SMC4: variants seen among roughly 807,000 people sequenced by gnomAD.
The protein encoded by SMC4 is structural maintenance of chromosomes protein 4.
SMC4 carries 87 observed loss-of-function variants against 145.6 expected under a neutral mutation model. The observed-to-expected ratio is 0.60, with a 90% CI of 0.50 to 0.71. The LOEUF (loss-of-function observed/expected upper bound fraction) is 0.71, where lower values mean the gene tolerates loss of function less well. Among genes scored for constraint, SMC4 ranks in the 30% least tolerant of loss-of-function variants. The pLI is 0.00. For synonymous variants in SMC4, 558 were observed against 500.7 expected (o/e 1.11, Z -1.53); for missense variants, 1,447 against 1,537.1 (o/e 0.94, Z 0.98).
chr3:160,412,525 C>T, intron 7 of SMC4, 72 bp downstream of exon 7: 4 of 1,468,186 alleles, frequency 2.7e-6, no homozygotes, highest in African/African-American at 2.9e-5. Context: ...CTTCTCTTTT[C>T]CTAGAGAAAC....
chr3:160,430,432 T>C (rs1432977646), intron 18 of SMC4, among the ~76,000 whole-genome samples, 167 bp from the exon 19 acceptor site: 1 of 152,200 alleles, frequency 6.6e-6, no homozygotes, highest in Non-Finnish European at 1.5e-5. Context: ...AGTGTTTGTA[T>C]AAACCTACAA....
At chr3:160,404,832 A>G (rs1282843363) in intron 5 of SMC4, 2 of 509,946 alleles carry the variant, frequency 3.9e-6, no homozygotes, top group Non-Finnish European at 8.0e-6. Context: ...TGACAGGGAT[A>G]CAGCAACTAT....
At chr3:160,421,362 T>G (rs1334497923) in intron 13 of SMC4, among the ~76,000 whole-genome samples, 1 of 152,206 alleles carries the variant, frequency 6.6e-6, no homozygotes, top group Non-Finnish European at 1.5e-5. Context: ...TATAAAAAAT[T>G]GTTTGACATT....
rs772336027 is a variant in SMC4, at chr3:160,419,558, T to TG, written c.1857+21dup. The TG allele has an allele frequency of 2.5e-6, 4 of 1,571,636 alleles. No homozygotes were observed. Among genetic ancestry groups the TG allele is most frequent in the East Asian group, 4.5e-5 (2 of 44,298 alleles). ...ATGGAAGATTGGTAAAGTAGATTTT[T>TG]GGGGGGCATGGCTTTACTTTTTTTT... On this transcript the variant is annotated intron_variant, in intron 12 of 23. Coordinates refer to ENST00000357388, the MANE Select transcript of SMC4 (RefSeq NM_001002800.3).
chr3:160,432,413 CAAAT>C lies in SMC4; in HGVS notation c.3433_3436del (p.Lys1145Ter). ...TTTATGGCAGGTTTTTATATAATAA[CAAAT>C]AAATTAAAGGAAAATTACCAAATGC... On this transcript the variant is annotated frameshift_variant, in exon 22 of 24. Coordinates refer to ENST00000357388, the MANE Select transcript of SMC4 (RefSeq NM_001002800.3). LOFTEE classifies it high-confidence loss of function. 1 of 1,612,418 alleles carries C rather than the reference CAAAT, an allele frequency of 6.2e-7. No homozygotes were observed.
chr3:160,414,366 G>A lies in SMC4; in HGVS notation c.1122-1G>A. 1.3e-6 allele frequency: 2 copies of A among 1,590,552 alleles called. No homozygotes were observed. Among genetic ancestry groups the A allele is most frequent in the Non-Finnish European group, 1.7e-6 (2 of 1,161,008 alleles). On this transcript the variant is annotated splice_acceptor_variant, in intron 8 of 23. Transcript: ENST00000357388. LOFTEE classifies it high-confidence loss of function. Reference sequence around the variant, plus strand: ...GACTTACAATATACTTGCTTTGCTAGGAAACTGAATAAAATTACAAAATTT... The same window carrying A: ...GACTTACAATATACTTGCTTTGCTAAGAAACTGAATAAAATTACAAAATTT...
chr3:160,416,968 A>G (rs187043241), intron 10 of SMC4, among the ~76,000 whole-genome samples: 94 of 152,280 alleles, frequency 6.2e-4, no homozygotes, highest in African/African-American at 2.1e-3. Context: ...TGAGAAAGAA[A>G]ATAAATGTTA....
intron 5 of SMC4, among the ~76,000 whole-genome samples, chr3:160,406,918 T>C (rs1049847497): frequency 6.6e-6 from 1 of 152,180 alleles, no homozygotes. Context: ...CTTCAAAAAG[T>C]TTGTTGTGAT....
intron 5 of SMC4, 57 bp from the exon 6 acceptor site, chr3:160,411,859 CACTT>C: frequency 7.0e-7 from 1 of 1,428,228 alleles, no homozygotes; most frequent in Non-Finnish European, 9.6e-7. Context: ...TCCCAATTCT[CACTT>C]AAGATTGATT....
intron 5 of SMC4, among the ~76,000 whole-genome samples, chr3:160,407,071 G>T (rs143760717): frequency 3.3e-4 from 50 of 152,072 alleles, no homozygotes; most frequent in African/African-American, 1.2e-3. Context: ...ATAAATTAGG[G>T]GTGCTTTTGC....
Position 160,430,749 on chromosome 3 carries a change from A to T in SMC4, c.2940+6A>T, listed in dbSNP as rs1239211500. 2.5e-6 allele frequency: 4 copies of T among 1,607,340 alleles called. No homozygotes were observed. Among genetic ancestry groups the T allele is most frequent in the Non-Finnish European group, 2.5e-6 (3 of 1,177,938 alleles). ...AGAATACAAATGCTGCAGAGGTATG[A>T]GTTGCTTTGTATTGAAGAGGAGATG... On this transcript the variant is annotated splice_donor_region_variant and intron_variant, in intron 19 of 23. Coordinates refer to ENST00000357388, the MANE Select transcript of SMC4 (RefSeq NM_001002800.3).
At chr3:160,423,974 T>C in intron 15 of SMC4, 134 bp downstream of exon 15, 3 of 543,616 alleles carry the variant, frequency 5.5e-6, no homozygotes, top group Non-Finnish European at 9.6e-6. Context: ...TTTCTATAAA[T>C]GACTAGGGAT....
Position 160,411,916 on chromosome 3 carries a change from A to G in SMC4, c.688-4A>G, listed in dbSNP as rs377286985. The G allele has an allele frequency of 3.1e-6, 5 of 1,604,308 alleles. No individual in the cohort carries two copies. In the African/African-American group the frequency reaches 6.7e-5, roughly 22 times the overall value. On this transcript the variant is annotated splice_polypyrimidine_tract_variant and splice_region_variant and intron_variant, in intron 5 of 23. Transcript: ENST00000357388. ...TGAGTATGAAATATAACTTTTTTTT[A>G]AAGGGTGAAGTTGAACAAATTGCTA...
intron 9 of SMC4, among the ~76,000 whole-genome samples, chr3:160,414,816 C>T (rs764860375): frequency 3.3e-5 from 5 of 152,150 alleles, no homozygotes; most frequent in Non-Finnish European, 7.4e-5. Context: ...AGAAACCTAC[C>T]TCAGCCTCCC....
intron 9 of SMC4, among the ~76,000 whole-genome samples, chr3:160,415,553 G>C (rs1191210089): frequency 6.6e-6 from 1 of 152,184 alleles, no homozygotes; most frequent in Non-Finnish European, 1.5e-5. Context: ...AAATGTATTT[G>C]TTCACAAAAT....
intron 2 of SMC4, 98 bp downstream of exon 2, chr3:160,401,063 T>G: frequency 3.0e-6 from 4 of 1,326,578 alleles, no homozygotes; most frequent in Non-Finnish European, 3.8e-6. Context: ...AGCGCGGAGT[T>G]GACATCTGAA....
At chr3:160,416,449 G>C (rs761030681) in intron 10 of SMC4, 34 bp downstream of exon 10, 3 of 1,328,102 alleles carry the variant, frequency 2.3e-6, no homozygotes, top group Non-Finnish European at 3.0e-6. Flanking sequence ...GTTTATTTTG[G>C]TGGCTTTTTT....
At chr3:160,409,752 CACTA>C (rs1172524322) in intron 5 of SMC4, among the ~76,000 whole-genome samples, 3 of 152,076 alleles carry the variant, frequency 2.0e-5, no homozygotes, top group African/African-American at 7.2e-5. Flanking sequence ...GGATGATAAA[CACTA>C]ACCCACAGGA....
At chr3:160,422,639 T>G (rs1234443903) in intron 13 of SMC4, among the ~76,000 whole-genome samples, 1 of 152,214 alleles carries the variant, frequency 6.6e-6, no homozygotes, top group Non-Finnish European at 1.5e-5. Context: ...TATTTTCACT[T>G]TCTTGATGGT....
Sources: allele counts gnomAD v4.1 joint callset (sites outside exome capture counted in the v4.1 genomes callset), GRCh38; gene constraint gnomAD v4.1.1; transcripts MANE v1.5; gene names NCBI Gene and HGNC (gene_info 2026-07-23, HGNC 2026-07-21).